Variants in ZNF585B observed in about 807,000 individuals in gnomAD.
ZNF585B encodes the protein zinc finger protein 41-like protein.
Under a neutral mutation model 14.0 loss-of-function variants are expected in ZNF585B, and 7 were observed. The observed-to-expected ratio is 0.50, with a 90% CI of 0.28 to 0.94. The LOEUF is 0.94. Among genes scored for constraint, ZNF585B ranks in the 40% least tolerant of loss-of-function variants. ZNF585B has a pLI of 0.09. For missense variants in ZNF585B, 750 were observed against 924.4 expected (o/e 0.81, Z 2.45); for synonymous variants, 290 against 317.3 (o/e 0.91, Z 0.91).
At position 37,184,444 on chromosome 19, in the gene ZNF585B, G is replaced by GAA. The variant is rs1555778267; in HGVS notation, c.*781_*782dup. The GAA allele has an allele frequency of 5.2e-5, 1 of 19,214 alleles. No individual in the cohort carries two copies. Among genetic ancestry groups the GAA allele is most frequent in the East Asian group, 1.6e-3 (1 of 630 alleles). The allele number at this position is 19,214 out of a possible 1,614,324, so 1.2% of individuals were successfully genotyped here. On this transcript the variant is annotated 3_prime_UTR_variant, in exon 5 of 5. Transcript: ENST00000532828. ...AAAGAAAGAAAAAGAAAGAAAGAAG[G>GAA]AAAGAAAGAAAGAAAGAAAGAAAGA...
intron 2 of ZNF585B, chr19:37,198,956 T>C (rs1297904760): frequency 6.6e-7 from 1 of 1,506,338 alleles, no homozygotes; most frequent in East Asian, 2.5e-5. Flanking sequence ...ATTTCTTCAT[T>C]TAACTGCATT....
At chr19:37,198,173 A>T (rs1385137111) in intron 2 of ZNF585B, among the ~76,000 whole-genome samples, 2 of 151,886 alleles carry the variant, frequency 1.3e-5, no homozygotes, top group African/African-American at 2.4e-5. Flanking sequence ...TATTTATTTT[A>T]TTATTATTAT....
At chr19:37,200,113 G>A (rs1249239115) in intron 2 of ZNF585B, among the ~76,000 whole-genome samples, 3 of 146,030 alleles carry the variant, frequency 2.1e-5, no homozygotes, top group African/African-American at 7.9e-5. Context: ...ACCCAAGGAA[G>A]AAATAGTGGA....
intron 2 of ZNF585B, among the ~76,000 whole-genome samples, chr19:37,193,978 T>A (rs965256796): frequency 6.6e-6 from 1 of 152,198 alleles, no homozygotes; most frequent in Non-Finnish European, 1.5e-5. Context: ...TTGACTTATT[T>A]GTTATGCTAA....
At chr19:37,208,057 C>T (rs533203824) in intron 1 of ZNF585B, among the ~76,000 whole-genome samples, 1 of 152,286 alleles carries the variant, frequency 6.6e-6, no homozygotes, top group Admixed American at 6.5e-5. Flanking sequence ...ACTGCAACCT[C>T]CACCTCCAGA....
intron 2 of ZNF585B, among the ~76,000 whole-genome samples, chr19:37,201,514 T>C (rs1356844939): frequency 6.6e-6 from 1 of 152,222 alleles, no homozygotes; most frequent in Non-Finnish European, 1.5e-5. Context: ...TGCTAAGATA[T>C]CAAATTCTAT....
At chr19:37,209,730 T>TG (rs962073865) in intron 1 of ZNF585B, among the ~76,000 whole-genome samples, 1 of 137,148 alleles carries the variant, frequency 7.3e-6, no homozygotes, top group Non-Finnish European at 1.6e-5. Flanking sequence ...CTTCTTTTTT[T>TG]TTTTTTTTTT....
chr19:37,197,491 T>C (rs764228660), intron 2 of ZNF585B, among the ~76,000 whole-genome samples: 83 of 152,316 alleles, frequency 5.4e-4, no homozygotes, highest in Middle Eastern at 6.8e-3. Context: ...TTTGGGTATA[T>C]ACCCAGTAAC....
chr19:37,194,089 T>G (rs1204687766), intron 2 of ZNF585B, among the ~76,000 whole-genome samples: 1 of 152,166 alleles, frequency 6.6e-6, no homozygotes, highest in Non-Finnish European at 1.5e-5. Flanking sequence ...AGGAGCTGTG[T>G]AGGAAGGTGG....
intron 2 of ZNF585B, among the ~76,000 whole-genome samples, chr19:37,201,005 C>T (rs774591582): frequency 6.6e-6 from 1 of 151,154 alleles, no homozygotes; most frequent in Non-Finnish European, 1.5e-5. Flanking sequence ...GCAGGAGAAT[C>T]GCTTGAACCC....
chr19:37,196,506 G>A (rs979653189), intron 2 of ZNF585B, among the ~76,000 whole-genome samples: 1 of 152,112 alleles, frequency 6.6e-6, no homozygotes. Context: ...TGAACTATGT[G>A]GGTCCATTTG....
chr19:37,210,055 C>CA (rs1972630567), intron 1 of ZNF585B, among the ~76,000 whole-genome samples: 1 of 151,986 alleles, frequency 6.6e-6, no homozygotes, highest in South Asian at 2.1e-4. Context: ...CAAAGAAAAA[C>CA]AATTACTGAA....
chr19:37,185,666 T>C lies in ZNF585B; in HGVS notation c.1871A>G (p.His624Arg). Reference protein sequence around the residue: ...SFTSKSQLLVHQPVHTGEKPY... With the variant: ...SFTSKSQLLVRQPVHTGEKPY... ...TTTCTCTCCTGTGTGAACTGGCTGATGCACCAGGAGCTGAGACTTGGAGGT... is the reference window on the plus strand; with the variant it reads ...TTTCTCTCCTGTGTGAACTGGCTGACGCACCAGGAGCTGAGACTTGGAGGT... Residue 624 changes from histidine to arginine, a missense_variant, in exon 5 of 5, where the codon CAT (histidine) becomes CGT (arginine). His to Arg is a conservative substitution (Grantham distance 29). Transcript: ENST00000532828. 1 of 1,613,564 alleles carries C rather than the reference T, an allele frequency of 6.2e-7. No homozygotes were observed. The highest frequency in any genetic ancestry group is 1.1e-5 in the South Asian group (1 of 91,024).
At position 37,184,742 on chromosome 19, in the gene ZNF585B, C is replaced by T. The variant is rs1364503635; in HGVS notation, c.*485G>A. ...TCAATGGGGAATTGGATATGCACAA[C>T]TGTGTTCGATTCAAAAGAAGAAAAT... On this transcript the variant is annotated 3_prime_UTR_variant, in exon 5 of 5. Transcript: ENST00000532828. 3 of 352,602 alleles carry T rather than the reference C, an allele frequency of 8.5e-6. No individual in the cohort carries two copies. Among genetic ancestry groups the T allele is most frequent in the Non-Finnish European group, 1.5e-5 (3 of 196,846 alleles). The allele number at this position is 352,602 out of a possible 1,614,324, so 21.8% of individuals were successfully genotyped here.
At chr19:37,193,616 A>C (rs73624829) in intron 2 of ZNF585B, among the ~76,000 whole-genome samples, 1,538 of 152,110 alleles carry the variant, frequency 0.01, 26 homozygotes, top group African/African-American at 0.035. Context: ...TGTCCCTAAA[A>C]AAATACCAAA....
At chr19:37,205,307 A>G (rs1331960038) in intron 2 of ZNF585B, among the ~76,000 whole-genome samples, 1 of 152,212 alleles carries the variant, frequency 6.6e-6, no homozygotes, top group East Asian at 1.9e-4. Flanking sequence ...AAGAGCAACT[A>G]AAGTAGAGGT....
chr19:37,192,895 G>T (rs374890914), intron 2 of ZNF585B, among the ~76,000 whole-genome samples: 1 of 151,234 alleles, frequency 6.6e-6, no homozygotes, highest in African/African-American at 2.4e-5. Flanking sequence ...CAACAACTGG[G>T]GAGGCCGAGG....
intron 2 of ZNF585B, among the ~76,000 whole-genome samples, chr19:37,195,587 A>ACTTATTTAGATAAACTAAATAAATTAG (rs1171856084): frequency 7.2e-5 from 11 of 152,056 alleles, no homozygotes; most frequent in Non-Finnish European, 1.5e-4. Flanking sequence ...GAATACAAAC[A>ACTTATTTAGATAAACTAAATAAATTAG]CTTATTTAGA....
In ZNF585B at chr19:37,187,149, A is replaced by T; in HGVS notation, c.388T>A (p.Tyr130Asn). The T allele has an allele frequency of 6.2e-7, 1 of 1,614,110 alleles. No homozygotes were observed. Among genetic ancestry groups the T allele is most frequent in the Non-Finnish European group, 8.5e-7 (1 of 1,180,002 alleles). ...CTCTTTCCAAATTCAGCACACTCAT[A>T]GGATTTTTCCCCAGAATAAATTTTT... is the stretch of plus-strand genomic sequence containing the variant. ...DQKIYSGEKS[Y>N]ECAEFGKSFT... Residue 130 changes from tyrosine (Y) to asparagine (N), a missense_variant, in exon 5 of 5, where the codon TAT becomes AAT. Physicochemically the swap from Tyr to Asn is moderately radical, Grantham distance 143. Around this residue, in one of 2 missense-constraint regions of ZNF585B, gnomAD observed 517 missense variants for 570.3 expected, o/e 0.91. Transcript: ENST00000532828.
Sources: allele counts gnomAD v4.1 joint callset (sites outside exome capture counted in the v4.1 genomes callset), GRCh38; gene constraint gnomAD v4.1.1; regional missense constraint gnomAD v4.1.1; transcripts MANE v1.5; gene names NCBI Gene and HGNC (gene_info 2026-07-23, HGNC 2026-07-21).